ENKUR: variants seen among roughly 807,000 people sequenced by gnomAD.
The protein encoded by ENKUR is enkurin.
ENKUR carries 19 observed loss-of-function variants against 27.6 expected under a neutral mutation model. That is an observed-to-expected ratio of 0.69 (90% CI 0.48 to 1.01). The LOEUF (loss-of-function observed/expected upper bound fraction) is 1.01. Among genes scored for constraint, ENKUR ranks in the 50% least tolerant of loss-of-function variants. ENKUR has a pLI of 0.00. For missense variants in ENKUR, 312 were observed against 310.5 expected (o/e 1.00, Z -0.04); for synonymous variants, 117 against 96.9 (o/e 1.21, Z -1.22).
At chr10:25,045,986 A>T (rs571827145) in intron 2 of ENKUR, among the ~76,000 whole-genome samples, 42 of 152,356 alleles carry the variant, frequency 2.8e-4, no homozygotes, top group Admixed American at 1.6e-3. Context: ...CATAGTTCAA[A>T]TATAATTTCC....
chr10:25,047,158 T>G (rs1490048898), intron 2 of ENKUR, among the ~76,000 whole-genome samples: 1 of 152,182 alleles, frequency 6.6e-6, no homozygotes, highest in Non-Finnish European at 1.5e-5. Context: ...CTCATAAATG[T>G]AATTCAAACT....
intron 3 of ENKUR, among the ~76,000 whole-genome samples, chr10:24,993,599 T>G (rs1266040418): frequency 6.6e-6 from 1 of 152,244 alleles, no homozygotes; most frequent in Admixed American, 6.5e-5. Context: ...TTAAAAGAAT[T>G]TATTTACTAT....
chr10:24,997,819 A>ATATATATATATATATG (rs1554769683), intron 2 of ENKUR, among the ~76,000 whole-genome samples: 1 of 151,500 alleles, frequency 6.6e-6, no homozygotes, highest in African/African-American at 2.4e-5. Context: ...ATATATATAT[A>ATATATATATATATATG]TATATATGTT....
chr10:25,007,867 A>G (rs1820599741), intron 1 of ENKUR, among the ~76,000 whole-genome samples: 1 of 151,944 alleles, frequency 6.6e-6, no homozygotes, highest in African/African-American at 2.4e-5. Flanking sequence ...ATATGCCTGA[A>G]GGGAAAGGTG....
chr10:25,016,697 G>C (rs1715612539), upstream of ENKUR: 1 of 152,358 alleles, frequency 6.6e-6, no homozygotes, highest in Admixed American at 6.5e-5. Flanking sequence ...CTGCAGGTAC[G>C]GTGCTCCGTC....
intron 4 of ENKUR, among the ~76,000 whole-genome samples, chr10:24,988,334 G>T (rs1019628517): frequency 1.4e-5 from 2 of 141,254 alleles, no homozygotes; most frequent in Non-Finnish European, 3.1e-5. Context: ...ATTTATATAT[G>T]TGTATATATA....
At chr10:25,024,520 G>T (rs1466694427) in intron 2 of ENKUR, 1 of 1,614,082 alleles carries the variant, frequency 6.2e-7, no homozygotes, top group Non-Finnish European at 8.5e-7. Context: ...GGCAGTGGGT[G>T]TTGAGTCAGA....
chr10:25,046,913 G>A lies in ENKUR; in HGVS notation c.37+14199C>T, dbSNP rs186116891. 7.0e-4 allele frequency among the ~76,000 whole-genome samples: 107 copies of A among 152,260 alleles called. 1 individual carries two copies. The highest frequency in any genetic ancestry group is 6.8e-3 in the Middle Eastern group (2 of 294). ...TTAATTTCCATCCTCTAGAAATTCA[G>A]GATGTTTCAGTAGAAGCTATTTTAT... is the stretch of plus-strand genomic sequence containing the variant. On this transcript the variant is annotated intron_variant, in intron 2 of 5. Coordinates refer to the ENKUR transcript ENST00000615958.
rs139555563 is a variant in ENKUR at position 24,999,333 on chromosome 10, CAATAA to C, written c.223+63_223+67del. 769 of 1,461,616 alleles carry C rather than the reference CAATAA, an allele frequency of 5.3e-4. 7 individuals are homozygous for C. In the African/African-American group the frequency reaches 9.1e-3, roughly 17 times the overall value. The allele number at this position is 1,461,616 out of a possible 1,614,324, so 90.5% of individuals were successfully genotyped here. ...CCTGTGCATGTTTAATATTCATCAACAATAAAATAATAGTTAAATCACCTGCTAAT... is the reference window on the plus strand; with the variant it reads ...CCTGTGCATGTTTAATATTCATCAACAATAATAGTTAAATCACCTGCTAAT... On this transcript the variant is annotated intron_variant, in intron 2 of 5. Transcript: ENST00000331161.
At chr10:25,017,704 T>C (rs2132739013), upstream of ENKUR, among the ~76,000 whole-genome samples, 1 of 152,204 alleles carries the variant, frequency 6.6e-6, no homozygotes, top group Middle Eastern at 3.4e-3. Flanking sequence ...TCACATCAGA[T>C]TGTCTTCCAA....
At chr10:25,024,372 G>A in intron 2 of ENKUR, 2 of 1,613,998 alleles carry the variant, frequency 1.2e-6, no homozygotes, top group Non-Finnish European at 1.7e-6. Flanking sequence ...GAGACACAGG[G>A]AGTGCAGTCT....
At chr10:25,061,177 G>T (rs1339147589) in exon 2 of ENKUR, 1 of 1,535,744 alleles carries the variant, frequency 6.5e-7, no homozygotes, top group South Asian at 1.2e-5. Context: ...TCCATAAGAA[G>T]TTCATAGGTG....
chr10:25,015,339 G>A (rs1347742131), intron 1 of ENKUR, among the ~76,000 whole-genome samples: 1 of 152,092 alleles, frequency 6.6e-6, no homozygotes, highest in East Asian at 1.9e-4. Context: ...CTGCCTAATA[G>A]TGGTAGATAT....
chr10:25,028,671 C>T (rs1850898368), intron 2 of ENKUR, among the ~76,000 whole-genome samples: 1 of 152,210 alleles, frequency 6.6e-6, no homozygotes, highest in African/African-American at 2.4e-5. Flanking sequence ...GAGTTATCTA[C>T]ATACATGGTC....
chr10:25,004,735 C>A (rs1308120310), intron 1 of ENKUR, among the ~76,000 whole-genome samples: 3 of 152,104 alleles, frequency 2.0e-5, no homozygotes, highest in African/African-American at 4.8e-5. Flanking sequence ...TTGATGGTTT[C>A]TTTTCCTGTG....
chr10:25,035,260 A>T (rs1003685106), intron 2 of ENKUR, among the ~76,000 whole-genome samples: 2 of 152,212 alleles, frequency 1.3e-5, no homozygotes, highest in African/African-American at 4.8e-5. Flanking sequence ...ACAAGATAAG[A>T]TGTAAGTTTA....
intron 4 of ENKUR, among the ~76,000 whole-genome samples, chr10:24,987,166 C>T (rs1588645464): frequency 6.6e-6 from 1 of 152,254 alleles, no homozygotes; most frequent in East Asian, 1.9e-4. Flanking sequence ...CTGCATTCAT[C>T]TGTGACTATG....
intron 4 of ENKUR, among the ~76,000 whole-genome samples, chr10:24,985,538 T>G (rs1849760509): frequency 1.3e-5 from 2 of 152,214 alleles, no homozygotes; most frequent in South Asian, 4.1e-4. Flanking sequence ...GAAAGGTCAT[T>G]AAATGTAACA....
intron 2 of ENKUR, among the ~76,000 whole-genome samples, chr10:25,040,628 C>T (rs112662641): frequency 0.013 from 2,030 of 152,224 alleles, 57 homozygotes; most frequent in African/African-American, 0.046. Context: ...CCTCGGCCTC[C>T]CAAAGTGCTG....
Sources: gnomAD v4.1 joint callset for allele counts (sites outside exome capture counted in the v4.1 genomes callset) on GRCh38, gnomAD v4.1.1 for gene constraint, MANE v1.5 for transcripts, NCBI Gene and HGNC (gene_info 2026-07-23, HGNC 2026-07-21) for gene names.